Variants in BRWD3 observed in about 807,000 individuals in gnomAD.
BRWD3 encodes bromodomain and WD repeat-containing protein 3.
Under a neutral mutation model 149.7 loss-of-function variants are expected in BRWD3, and 10 were observed. The observed-to-expected ratio is 0.07, with a 90% CI of 0.04 to 0.11. The LOEUF (loss-of-function observed/expected upper bound fraction) is 0.11. Among genes scored for constraint, BRWD3 ranks in the 10% least tolerant of loss-of-function variants. The probability of loss-of-function intolerance (pLI) is 1.00; values close to 1 mark genes in which losing one functional copy is unlikely to be tolerated. For synonymous variants in BRWD3, 504 were observed against 456.7 expected (o/e 1.10, Z -1.32); for missense variants, 940 against 1,373.2 (o/e 0.68, Z 4.99).
In BRWD3 at chrX:80,714,756, C is replaced by T. The variant is rs371898396; in HGVS notation, c.2325+1401G>A. ...TGATTCTTCGTCAAAGGCACATAGACGCACACAAATTCATGCCATGTTTAA... is the reference window on the plus strand; with the variant it reads ...TGATTCTTCGTCAAAGGCACATAGATGCACACAAATTCATGCCATGTTTAA... On this transcript the variant is annotated intron_variant, in intron 20 of 40. Coordinates refer to ENST00000373275, the MANE Select transcript of BRWD3 (RefSeq NM_153252.5). Among the ~76,000 whole-genome samples, 111 of 111,766 alleles carry T rather than the reference C, an allele frequency of 9.9e-4. 1 individual carries two copies. The highest frequency in any genetic ancestry group is 3.3e-3 in the African/African-American group (102 of 30,780).
At chrX:80,723,581 TC>T (rs2073180997) in intron 16 of BRWD3, among the ~76,000 whole-genome samples, 166 bp downstream of exon 16, 2 of 109,986 alleles carry the variant, frequency 1.8e-5, no homozygotes, top group Admixed American at 9.7e-5. Flanking sequence ...AACCTAAGGT[TC>T]TGGCAGTGCA....
At chrX:80,735,289 A>G in intron 9 of BRWD3, 92 bp from the exon 10 acceptor site, 1 of 698,363 alleles carries the variant, frequency 1.4e-6, no homozygotes, top group South Asian at 2.3e-5. Flanking sequence ...TCAATTTAGC[A>G]TCAATATTAT....
intron 40 of BRWD3, among the ~76,000 whole-genome samples, chrX:80,679,340 C>T (rs781516941): frequency 3.6e-5 from 4 of 112,382 alleles, no homozygotes; most frequent in African/African-American, 9.7e-5. Flanking sequence ...AGATTTTAAG[C>T]TGGGTGGCAA....
Position 80,682,523 on chromosome X carries a change from G to A in BRWD3, c.4339C>T (p.Arg1447Trp), listed in dbSNP as rs764350439. 1.8e-5 allele frequency: 22 copies of A among 1,207,866 alleles called. No individual in the cohort carries two copies. Among genetic ancestry groups the A allele is most frequent in the Admixed American group, 2.2e-5 (1 of 45,494 alleles). The change falls in exon 38 of 41, where the codon CGG becomes TGG. Residue 1447 changes from arginine to tryptophan, a missense_variant. Around this residue, in one of 6 missense-constraint regions of BRWD3, gnomAD observed 349 missense variants for 419.6 expected, o/e 0.83. Transcript: ENST00000373275. The stretch of plus-strand genomic sequence containing the variant: ...CTGCTTCTTAGACGTTTTCTGTACC[G>A]TGGCCTTCTCCTCTTCTGACTCTGG... Reference protein sequence around the residue: ...AIQSQKRRRPRYRKRLRSSSS... With the variant: ...AIQSQKRRRPWYRKRLRSSSS...
At chrX:80,777,926 C>T (rs1381242169) in intron 6 of BRWD3, among the ~76,000 whole-genome samples, 1 of 111,277 alleles carries the variant, frequency 9.0e-6, no homozygotes, top group African/African-American at 3.3e-5. Context: ...TGCTAGATGA[C>T]AGGCTTCAGC....
At chrX:80,733,832 C>T (rs186338886) in intron 11 of BRWD3, among the ~76,000 whole-genome samples, 38 of 111,420 alleles carry the variant, frequency 3.4e-4, no homozygotes, top group African/African-American at 1.2e-3. Flanking sequence ...AAATTTTACA[C>T]ATAATTTTAT....
At chrX:80,693,584 C>A (rs2072641041) in intron 27 of BRWD3, among the ~76,000 whole-genome samples, 1 of 111,540 alleles carries the variant, frequency 9.0e-6, no homozygotes, top group Non-Finnish European at 1.9e-5. Context: ...AGATCAGGAA[C>A]TTATTGGGAA....
At chrX:80,808,908 C>A (rs945318542) in intron 3 of BRWD3, 105 bp downstream of exon 3, 3 of 909,368 alleles carry the variant, frequency 3.3e-6, no homozygotes, top group African/African-American at 4.0e-5. Flanking sequence ...CTACGGGTAC[C>A]CAGATCGAAG....
At chrX:80,706,460 T>G (rs2072867211) in intron 22 of BRWD3, among the ~76,000 whole-genome samples, 1 of 111,913 alleles carries the variant, frequency 8.9e-6, no homozygotes, top group South Asian at 3.7e-4. Context: ...TTTTAAGGTT[T>G]AAAATTTTTT....
chrX:80,691,530 C>A (rs781048328), intron 30 of BRWD3, among the ~76,000 whole-genome samples: 1 of 111,527 alleles, frequency 9.0e-6, no homozygotes, highest in South Asian at 3.8e-4. Flanking sequence ...CCAAGAAACC[C>A]ATCCAAAGTC....
chrX:80,803,788 A>G (rs2074325150), intron 4 of BRWD3, among the ~76,000 whole-genome samples: 1 of 112,407 alleles, frequency 8.9e-6, no homozygotes, highest in African/African-American at 3.2e-5. Context: ...TAGAGATGCA[A>G]TAACTATGCT....
chrX:80,704,261 T>C (rs67192777), intron 23 of BRWD3, among the ~76,000 whole-genome samples: 1 of 24,626 alleles, frequency 4.1e-5, no homozygotes, highest in East Asian at 1.3e-3. Flanking sequence ...CCAAAAAACA[T>C]AGTGGAATGG....
chrX:80,807,517 C>A (rs946472783), intron 4 of BRWD3, among the ~76,000 whole-genome samples: 38 of 111,997 alleles, frequency 3.4e-4, no homozygotes, highest in African/African-American at 9.4e-4. Context: ...CCACTTGGAT[C>A]TTACTTGAAG....
At chrX:80,808,504 G>A (rs1569295499) in intron 4 of BRWD3, 35 bp downstream of exon 4, 1 of 1,166,368 alleles carries the variant, frequency 8.6e-7, no homozygotes, top group South Asian at 1.8e-5. Context: ...AGTGGTGAAA[G>A]AGTTAGGTTA....
At chrX:80,794,202 A>T (rs1238451088) in intron 4 of BRWD3, among the ~76,000 whole-genome samples, 1 of 111,261 alleles carries the variant, frequency 9.0e-6, no homozygotes, top group Non-Finnish European at 1.9e-5. Flanking sequence ...AAAAAATAAA[A>T]ATAAATAAAA....
rs2072685631 is a variant in BRWD3, at chrX:80,696,003, T to TA, written c.3069-14dup. The TA allele has an allele frequency of 8.8e-7, 1 of 1,141,573 alleles. No homozygotes were observed. The allele number at this position is 1,141,573 out of a possible 1,213,427, so 94.1% of individuals were successfully genotyped here. ...CATGTCATGATACCTATACAGAAAA[T>TA]AAAGCACATATGAATCAATATAGAG... On this transcript the variant is annotated splice_polypyrimidine_tract_variant and intron_variant, in intron 26 of 40. Coordinates refer to ENST00000373275, the MANE Select transcript of BRWD3 (RefSeq NM_153252.5).
chrX:80,709,953 T>A, intron 20 of BRWD3: 2 of 984,533 alleles, frequency 2.0e-6, no homozygotes, highest in South Asian at 1.9e-5. Context: ...GACAATGATA[T>A]CATTGTCTGG....
Position 80,696,519 on chromosome X carries a change from TACACACACACACACACAC to T in BRWD3, c.3068+202_3068+219del, listed in dbSNP as rs560341387. Among the ~76,000 whole-genome samples, 23 of 82,177 alleles carry T rather than the reference TACACACACACACACACAC, an allele frequency of 2.8e-4. No individual in the cohort carries two copies. In the East Asian group the frequency reaches 4.3e-3, roughly 15 times the overall value. The allele number at this position is 82,177 out of a possible 115,157, so 71.4% of individuals were successfully genotyped here. A position where few individuals can be genotyped will look rare whatever the true frequency, so the allele number is the denominator to read the frequency against. On this transcript the variant is annotated intron_variant, in intron 26 of 40. Coordinates refer to ENST00000373275, the MANE Select transcript of BRWD3 (RefSeq NM_153252.5). The stretch of plus-strand genomic sequence containing the variant: ...TCTATGTAACTATCCATAACATAAA[TACACACACACACACACAC>T]ACACACACACACACACACACACACA...
At chrX:80,764,304 G>A (rs2073833701) in intron 6 of BRWD3, among the ~76,000 whole-genome samples, 1 of 111,074 alleles carries the variant, frequency 9.0e-6, no homozygotes, top group Admixed American at 9.5e-5. Flanking sequence ...TATGGGGCTA[G>A]GCAAAGAATT....
Sources: gnomAD v4.1 joint callset for allele counts (sites outside exome capture counted in the v4.1 genomes callset) on GRCh38, gnomAD v4.1.1 for gene constraint, gnomAD v4.1.1 regional missense constraint, MANE v1.5 for transcripts, NCBI Gene and HGNC (gene_info 2026-07-23, HGNC 2026-07-21) for gene names.